The following SLC60A2 variants were observed in gnomAD, a reference collection of about 807,000 sequenced individuals.
SLC60A2 encodes major facilitator superfamily domain containing 4B.
chr6:111,276,349 T>A, the SLC60A2 span, among the ~76,000 whole-genome samples: 1 of 152,206 alleles, frequency 6.6e-6, no homozygotes, highest in Non-Finnish European at 1.5e-5. Context: ...TGTTTGTGTT[T>A]TTTGTCTTAG....
the SLC60A2 span, chr6:111,267,324 G>C: frequency 9.8e-6 from 5 of 512,382 alleles, no homozygotes. Context: ...ACGTACAATA[G>C]GATCTTGTTA....
chr6:111,261,698 A>G, the SLC60A2 span, among the ~76,000 whole-genome samples: 2 of 152,010 alleles, frequency 1.3e-5, no homozygotes, highest in Non-Finnish European at 2.9e-5. Flanking sequence ...TGTTCAAGCG[A>G]TTCTCCTGCC....
At chr6:111,262,350 C>T in the SLC60A2 span, 28 of 1,614,028 alleles carry the variant, frequency 1.7e-5, no homozygotes, top group African/African-American at 4.0e-5. Flanking sequence ...TTTTGTGGGT[C>T]GTGCCTTGGG....
chr6:111,276,490 T>C, the SLC60A2 span, among the ~76,000 whole-genome samples: 32 of 152,358 alleles, frequency 2.1e-4, no homozygotes, highest in Admixed American at 1.9e-3. Flanking sequence ...ACTGAATAAG[T>C]GAACTCAAAG....
the SLC60A2 span, chr6:111,259,797 C>G: frequency 1.4e-6 from 2 of 1,454,992 alleles, no homozygotes; most frequent in Non-Finnish European, 1.9e-6. Flanking sequence ...TGCAAACTGA[C>G]CTTGGGCGCG....
At chr6:111,276,421 C>CTT in the SLC60A2 span, among the ~76,000 whole-genome samples, 1 of 152,140 alleles carries the variant, frequency 6.6e-6, no homozygotes, top group Admixed American at 6.5e-5. Context: ...TAAACACATA[C>CTT]TTTTAAGGTA....
At chr6:111,262,100 T>C in the SLC60A2 span, among the ~76,000 whole-genome samples, 1 of 152,076 alleles carries the variant, frequency 6.6e-6, no homozygotes, top group Non-Finnish European at 1.5e-5. Flanking sequence ...ATAAGAGTTT[T>C]AGTCAAAACT....
At chr6:111,278,159 GT>G in the SLC60A2 span, 1 of 152,178 alleles carries the variant, frequency 6.6e-6, no homozygotes, top group Non-Finnish European at 1.5e-5. Context: ...AATAAAAAAC[GT>G]AAGTATTTGA....
At chr6:111,273,967 A>C in the SLC60A2 span, among the ~76,000 whole-genome samples, 3 of 151,778 alleles carry the variant, frequency 2.0e-5, no homozygotes, top group Non-Finnish European at 4.4e-5. Context: ...TGATCTTCCC[A>C]CCTTGACCTC....
At chr6:111,266,591 GA>G in the SLC60A2 span, 1 of 1,614,072 alleles carries the variant, frequency 6.2e-7, no homozygotes, top group Admixed American at 1.7e-5. Flanking sequence ...GTGTTTCTTG[GA>G]TTGAGCAGTA....
At chr6:111,265,419 G>A in the SLC60A2 span, 1 of 984,432 alleles carries the variant, frequency 1.0e-6, no homozygotes, top group East Asian at 1.1e-4. Context: ...CGTGTGTTTT[G>A]CATCTGTTAC....
At chr6:111,274,600 C>CTG in the SLC60A2 span, among the ~76,000 whole-genome samples, 1 of 48,584 alleles carries the variant, frequency 2.1e-5, no homozygotes, top group African/African-American at 5.6e-5. Context: ...TTGTTTTTTC[C>CTG]TCTCAATGTT....
At chr6:111,272,852 C>T in the SLC60A2 span, among the ~76,000 whole-genome samples, 16 of 151,448 alleles carry the variant, frequency 1.1e-4, no homozygotes, top group South Asian at 4.2e-4. Context: ...TTTTTTAAGA[C>T]AGAGTCTTGC....
the SLC60A2 span, among the ~76,000 whole-genome samples, chr6:111,263,116 T>C: frequency 6.6e-6 from 1 of 151,974 alleles, no homozygotes; most frequent in African/African-American, 2.4e-5. Flanking sequence ...TTTTGTGTTT[T>C]TAGTAGAGCC....
the SLC60A2 span, among the ~76,000 whole-genome samples, chr6:111,274,604 C>T: frequency 6.6e-6 from 1 of 151,886 alleles, no homozygotes; most frequent in African/African-American, 2.4e-5. Context: ...TTTTTCCTCT[C>T]AATGTTTATC....
the SLC60A2 span, chr6:111,266,467 A>G: frequency 2.5e-6 from 4 of 1,614,220 alleles, no homozygotes; most frequent in South Asian, 3.3e-5. Flanking sequence ...GTGTTGAGCA[A>G]CATTGGCAGC....
the SLC60A2 span, among the ~76,000 whole-genome samples, chr6:111,262,031 C>T: frequency 6.6e-6 from 1 of 151,432 alleles, no homozygotes; most frequent in Non-Finnish European, 1.5e-5. Context: ...AGAAAGGAAA[C>T]AGGATTGCAA....
At chr6:111,259,627 C>T in the SLC60A2 span, 7 of 1,496,718 alleles carry the variant, frequency 4.7e-6, no homozygotes, top group Admixed American at 2.1e-5. Flanking sequence ...GAGAATGAGC[C>T]GGAGCCGGAG....
chr6:111,266,808 C>G, the SLC60A2 span: 1 of 1,613,738 alleles, frequency 6.2e-7, no homozygotes, highest in East Asian at 2.2e-5. Context: ...TGATCGCCAG[C>G]GAAAAGAAGA....
Sources: allele counts gnomAD v4.1 joint callset (sites outside exome capture counted in the v4.1 genomes callset), GRCh38; gene constraint gnomAD v4.1.1; transcripts MANE v1.5; gene names NCBI Gene and HGNC (gene_info 2026-07-23, HGNC 2026-07-21).